ARFIP1: variants seen among roughly 807,000 people sequenced by gnomAD.
ARFIP1 encodes arfaptin-1.
In ARFIP1, 24 loss-of-function variants were observed where a neutral mutation model predicts 42.5. That is an observed-to-expected ratio of 0.57 (90% CI 0.41 to 0.80). The LOEUF (loss-of-function observed/expected upper bound fraction) is 0.80, where lower values mean the gene tolerates loss of function less well. Ranked by LOEUF, ARFIP1 falls within the 30% of genes least tolerant of loss-of-function variation. ARFIP1 has a pLI of 0.00. For synonymous variants in ARFIP1, 141 were observed against 153.7 expected (o/e 0.92, Z 0.61); for missense variants, 354 against 434.0 (o/e 0.82, Z 1.64).
At chr4:152,832,836 C>A (rs778918855) in intron 2 of ARFIP1, among the ~76,000 whole-genome samples, 1 of 152,076 alleles carries the variant, frequency 6.6e-6, no homozygotes, top group Non-Finnish European at 1.5e-5. Flanking sequence ...ACTCTTCTTT[C>A]TATACATATG....
chr4:152,848,665 A>G (rs6854534), intron 2 of ARFIP1, among the ~76,000 whole-genome samples: 1 of 152,144 alleles, frequency 6.6e-6, no homozygotes, highest in East Asian at 1.9e-4. Flanking sequence ...GTTGTAACTT[A>G]TTTATCTCCT....
chr4:152,908,045 G>C (rs1738516268), intron 8 of ARFIP1, among the ~76,000 whole-genome samples: 1 of 152,130 alleles, frequency 6.6e-6, no homozygotes, highest in Non-Finnish European at 1.5e-5. Flanking sequence ...AATGTGGAGG[G>C]TATAAAGTGG....
intron 1 of ARFIP1, among the ~76,000 whole-genome samples, chr4:152,804,301 TA>T (rs373304869): frequency 4.1e-5 from 1 of 24,362 alleles, no homozygotes; most frequent in Non-Finnish European, 7.4e-5. Context: ...TTATATATAT[TA>T]TATATATATA....
chr4:152,784,657 C>T (rs966878672), intron 1 of ARFIP1, among the ~76,000 whole-genome samples: 5 of 152,292 alleles, frequency 3.3e-5, no homozygotes, highest in Admixed American at 6.5e-5. Flanking sequence ...TGCCTGGCTT[C>T]GTCACTTCGT....
chr4:152,838,437 CTG>C (rs1186377308), intron 2 of ARFIP1, among the ~76,000 whole-genome samples: 1 of 152,210 alleles, frequency 6.6e-6, no homozygotes. Context: ...TTTGTATCAT[CTG>C]TGATTTCTTT....
chr4:152,801,321 G>C (rs1420628931), intron 1 of ARFIP1, among the ~76,000 whole-genome samples: 2 of 152,068 alleles, frequency 1.3e-5, no homozygotes, highest in Admixed American at 6.6e-5. Context: ...CCAGGAGTAA[G>C]AATTTTCCAG....
At chr4:152,810,551 G>T (rs567652962) in intron 1 of ARFIP1, among the ~76,000 whole-genome samples, 1 of 152,162 alleles carries the variant, frequency 6.6e-6, no homozygotes, top group African/African-American at 2.4e-5. Flanking sequence ...GCTCACGCCT[G>T]TAATGGCAGT....
chr4:152,829,257 C>T (rs145314108), intron 1 of ARFIP1, among the ~76,000 whole-genome samples: 19 of 152,238 alleles, frequency 1.2e-4, no homozygotes, highest in South Asian at 8.3e-4. Context: ...CATTTGTCTT[C>T]GCAGTACTCC....
At chr4:152,904,203 T>A (rs1166132833) in intron 8 of ARFIP1, among the ~76,000 whole-genome samples, 13 of 147,420 alleles carry the variant, frequency 8.8e-5, no homozygotes, top group Admixed American at 1.4e-4. Context: ...TATATATTTT[T>A]TTTTTTTTAA....
chr4:152,883,017 C>T (rs1056945626), intron 7 of ARFIP1, 137 bp downstream of exon 7: 2 of 846,794 alleles, frequency 2.4e-6, no homozygotes, highest in Non-Finnish European at 3.5e-6. Context: ...TATAGGATGC[C>T]TCTACAGACC....
chr4:152,787,280 T>A (rs1462731375), intron 1 of ARFIP1, among the ~76,000 whole-genome samples: 3 of 152,236 alleles, frequency 2.0e-5, no homozygotes, highest in African/African-American at 4.8e-5. Context: ...GTTTGAACAT[T>A]CCTAATCCAA....
intron 8 of ARFIP1, among the ~76,000 whole-genome samples, chr4:152,899,368 A>G (rs1737628540): frequency 6.6e-6 from 1 of 152,136 alleles, no homozygotes; most frequent in Non-Finnish European, 1.5e-5. Flanking sequence ...AACTGTAACT[A>G]TGGACTTCTG....
rs1017126805 is a variant in ARFIP1, at chr4:152,824,434, A to G, written c.-9-5191A>G. On this transcript the variant is annotated intron_variant, in intron 1 of 8. Coordinates refer to ENST00000353617, the MANE Select transcript of ARFIP1 (RefSeq NM_001025595.3). The stretch of plus-strand genomic sequence containing the variant: ...ATTCATCATATGAACAGAATTAAAA[A>G]CAAAAATGGTATGATCATCTCAATA... Among the ~76,000 whole-genome samples the G allele has an allele frequency of 3.3e-5, 5 of 152,258 alleles. No homozygotes were observed. The East Asian group carries it at 5.8e-4, about 18-fold the overall frequency.
chr4:152,810,630 A>C (rs7690363), intron 1 of ARFIP1, among the ~76,000 whole-genome samples: 104 of 151,948 alleles, frequency 6.8e-4, no homozygotes, highest in Non-Finnish European at 1.2e-3. Flanking sequence ...AACATGGTGA[A>C]ACCCCATCTC....
chr4:152,845,399 C>G (rs1488714594), intron 2 of ARFIP1, among the ~76,000 whole-genome samples: 1 of 152,016 alleles, frequency 6.6e-6, no homozygotes, highest in Non-Finnish European at 1.5e-5. Context: ...AAGAAACTAC[C>G]AACACAGTAA....
chr4:152,781,069 A>G (rs1361921824), intron 1 of ARFIP1, among the ~76,000 whole-genome samples: 1 of 152,150 alleles, frequency 6.6e-6, no homozygotes, highest in Non-Finnish European at 1.5e-5. Context: ...AAAAGCCGGA[A>G]GAGATCCAGA....
intron 1 of ARFIP1, among the ~76,000 whole-genome samples, chr4:152,804,452 TTATA>T (rs977129185): frequency 4.7e-5 from 5 of 107,210 alleles, no homozygotes; most frequent in Non-Finnish European, 7.2e-5. Context: ...ATTATATATA[TTATA>T]TATAATATAT....
Position 152,837,630 on chromosome 4 carries a change from G to T in ARFIP1, c.93+7904G>T, listed in dbSNP as rs77852536. On this transcript the variant is annotated intron_variant, in intron 2 of 8. Coordinates refer to ENST00000353617, the MANE Select transcript of ARFIP1 (RefSeq NM_001025595.3). ...ACCTACTTTTTGATGGGATTATTTG[G>T]TTTTTTCTTACTAATTTGTTTGAGT... Among the ~76,000 whole-genome samples, 736 of 151,902 alleles carry T rather than the reference G, an allele frequency of 4.8e-3. 7 individuals carry two copies. The highest frequency in any genetic ancestry group is 0.015 in the African/African-American group (617 of 41,456).
intron 5 of ARFIP1, among the ~76,000 whole-genome samples, chr4:152,877,868 G>A (rs974291298): frequency 1.3e-5 from 2 of 152,166 alleles, no homozygotes; most frequent in African/African-American, 4.8e-5. Context: ...CCACCACCAT[G>A]TAAGAAGTGC....
Sources: allele counts gnomAD v4.1 joint callset (sites outside exome capture counted in the v4.1 genomes callset), GRCh38; gene constraint gnomAD v4.1.1; transcripts MANE v1.5; gene names NCBI Gene and HGNC (gene_info 2026-07-23, HGNC 2026-07-21).